Variants in UTP6 observed in about 807,000 individuals in gnomAD.
The protein encoded by UTP6 is U3 small nucleolar RNA-associated protein 6 homolog.
In UTP6, 60 loss-of-function variants were observed where a neutral mutation model predicts 96.5. The observed-to-expected ratio is 0.62, with a 90% confidence interval of 0.51 to 0.77. The LOEUF (loss-of-function observed/expected upper bound fraction) is 0.77, where lower values mean the gene tolerates loss of function less well. Among genes scored for constraint, UTP6 ranks in the 30% least tolerant of loss-of-function variants. The probability of loss-of-function intolerance (pLI) is 0.00; values close to 1 mark genes in which losing one functional copy is unlikely to be tolerated. For missense variants in UTP6, 637 were observed against 706.5 expected (o/e 0.90, Z 1.12); for synonymous variants, 215 against 240.1 (o/e 0.90, Z 0.96).
Position 31,865,424 on chromosome 17 carries a change from C to G in UTP6, c.1578G>C (p.Met526Ile). The G allele has an allele frequency of 6.2e-7, 1 of 1,613,950 alleles. No homozygotes were observed. Among genetic ancestry groups the G allele is most frequent in the African/African-American group, 1.3e-5 (1 of 75,050 alleles). ...QFEKEQESCN[M>I]ANIREYYERA... ...TCTCATAATATTCTCTTATGTTCGC[C>G]ATATTGCAGGATTCCTGACAAAGAT... Residue 526 changes from methionine to isoleucine, a missense_variant, in exon 18 of 19, where the codon ATG becomes ATC. Transcript: ENST00000261708.
At chr17:31,873,652 C>T (rs111300446) in intron 15 of UTP6, 21 bp downstream of exon 15, 3 of 1,613,960 alleles carry the variant, frequency 1.9e-6, no homozygotes, top group African/African-American at 1.3e-5. Flanking sequence ...CACCACAAGA[C>T]TTGGAACACG....
intron 10 of UTP6, among the ~76,000 whole-genome samples, chr17:31,882,958 T>C (rs1910930308): frequency 6.6e-6 from 1 of 152,040 alleles, no homozygotes; most frequent in East Asian, 1.9e-4. Flanking sequence ...ACTAATTTTA[T>C]TGTTATTTTT....
At chr17:31,865,105 G>A (rs771887524) in intron 18 of UTP6, among the ~76,000 whole-genome samples, 9 of 152,104 alleles carry the variant, frequency 5.9e-5, no homozygotes, top group Admixed American at 2.0e-4. Context: ...TGCAACCTCC[G>A]TCTCCCAGGC....
chr17:31,865,010 TTTTG>T (rs573091552), intron 18 of UTP6, among the ~76,000 whole-genome samples: 40 of 151,716 alleles, frequency 2.6e-4, no homozygotes, highest in African/African-American at 4.4e-4. Flanking sequence ...TAAGAAACAG[TTTTG>T]TTTGTTTGTT....
rs368584524 is a variant in UTP6, at chr17:31,898,474, G to A, written c.177+1172C>T. Among the ~76,000 whole-genome samples, 22 of 151,434 alleles carry A rather than the reference G, an allele frequency of 1.5e-4. No individual in the cohort carries two copies. In the East Asian group the frequency reaches 3.1e-3, roughly 22 times the overall value. ...CAGGAAGCGGAGGTTGCAGTGAGCC[G>A]AGATCGCACCACTGCACTCCAGCCT... On this transcript the variant is annotated intron_variant, in intron 2 of 18. Coordinates refer to ENST00000261708, the MANE Select transcript of UTP6 (RefSeq NM_018428.3).
Position 31,863,256 on chromosome 17 carries a change from C to A in UTP6, c.*103G>T. 9.2e-6 allele frequency: 11 copies of A among 1,202,186 alleles called. No individual in the cohort carries two copies. Among genetic ancestry groups the A allele is most frequent in the Non-Finnish European group, 1.3e-5 (11 of 849,546 alleles). The allele number at this position is 1,202,186 out of a possible 1,614,324, so 74.5% of individuals were successfully genotyped here. A position where few individuals can be genotyped will look rare whatever the true frequency, so the allele number is the denominator to read the frequency against. On this transcript the variant is annotated 3_prime_UTR_variant, in exon 19 of 19. Coordinates refer to ENST00000261708, the MANE Select transcript of UTP6 (RefSeq NM_018428.3). ...GTGTGTCTCAAAACCAGACAGCCATCTTGTCTGCCATCACTGAGCAAATTA... is the reference window on the plus strand; with the variant it reads ...GTGTGTCTCAAAACCAGACAGCCATATTGTCTGCCATCACTGAGCAAATTA...
At chr17:31,883,087 A>G (rs1419363118) in intron 10 of UTP6, among the ~76,000 whole-genome samples, 3 of 152,160 alleles carry the variant, frequency 2.0e-5, no homozygotes, top group Admixed American at 6.6e-5. Context: ...TAATCCTTGC[A>G]CTTTGGGAGG....
intron 1 of UTP6, 21 bp downstream of exon 1, chr17:31,901,515 C>A: frequency 6.2e-7 from 1 of 1,612,894 alleles, no homozygotes. Flanking sequence ...CAGCTCTTCC[C>A]TCTCCCCAAC....
chr17:31,896,034 T>C (rs1904619866), intron 2 of UTP6, among the ~76,000 whole-genome samples: 1 of 151,192 alleles, frequency 6.6e-6, no homozygotes, highest in African/African-American at 2.4e-5. Context: ...AAAAAAAAGT[T>C]TGCTCTTATA....
chr17:31,892,690 AGG>A, intron 5 of UTP6, 55 bp downstream of exon 5: 1 of 1,607,154 alleles, frequency 6.2e-7, no homozygotes, highest in Non-Finnish European at 8.5e-7. Context: ...TGAAGCTTAA[AGG>A]GCAGATTAAC....
intron 6 of UTP6, among the ~76,000 whole-genome samples, chr17:31,891,647 T>G (rs1486545066): frequency 1.3e-5 from 2 of 152,186 alleles, no homozygotes; most frequent in South Asian, 4.1e-4. Flanking sequence ...CCTTTAAGCT[T>G]CTAAAATTCC....
intron 17 of UTP6, chr17:31,866,717 T>TTAA (rs1909840709): frequency 9.2e-6 from 1 of 109,248 alleles, no homozygotes; most frequent in Non-Finnish European, 1.7e-5. Context: ...AGACTCCGTC[T>TTAA]AAAAAAAAAA....
In UTP6 at chr17:31,894,547, C is replaced by T. The variant is rs73280110; in HGVS notation, c.312+98G>A. 2.1e-3 allele frequency: 1,726 copies of T among 832,146 alleles called. 15 individuals carry two copies. In the African/African-American group the frequency reaches 0.027, roughly 13 times the overall value. 51.5% of individuals were successfully genotyped at this position (832,146 alleles called of 1,614,324 possible). ...ATCATTAGAGTAAGTATAAAGATACCCAAGATAAAAATAGAAAACTGCATT... is the reference window on the plus strand; with the variant it reads ...ATCATTAGAGTAAGTATAAAGATACTCAAGATAAAAATAGAAAACTGCATT... On this transcript the variant is annotated intron_variant, in intron 4 of 18. Transcript: ENST00000261708.
chr17:31,871,334 G>A (rs1417368363), intron 16 of UTP6, among the ~76,000 whole-genome samples: 2 of 151,906 alleles, frequency 1.3e-5, no homozygotes, highest in African/African-American at 2.4e-5. Flanking sequence ...TGTTGCCCAC[G>A]CTCGTCTCAA....
chr17:31,885,926 T>C (rs1000464406), intron 9 of UTP6, 54 bp downstream of exon 9: 2 of 1,513,112 alleles, frequency 1.3e-6, no homozygotes, highest in African/African-American at 1.4e-5. Flanking sequence ...AGATCTTCAT[T>C]AAGAAAAGAA....
intron 1 of UTP6, 28 bp from the exon 2 acceptor site, chr17:31,899,758 T>C (rs1904864307): frequency 2.7e-6 from 4 of 1,476,168 alleles, no homozygotes; most frequent in Non-Finnish European, 3.7e-6. Context: ...TAAACTTCAC[T>C]TGAAAACTGC....
Position 31,894,991 on chromosome 17 carries a change from C to T in UTP6, c.198G>A (p.Glu66=). The change falls in exon 3 of 19, where the codon GAG becomes GAA. Residue 66 remains glutamate, a synonymous_variant. Transcript: ENST00000261708. ...NYVQYEINLL[E]LIQRRRTRIG... ...TTACTGTTCTTCTTCTCTGGATCAG[C>T]TCCAAAAGATTAATTTCATACTATG... is the stretch of plus-strand genomic sequence containing the variant. 6.5e-7 allele frequency: 1 copy of T among 1,546,268 alleles called. No homozygotes were observed. The highest frequency in any genetic ancestry group is 8.8e-7 in the Non-Finnish European group (1 of 1,142,822).
chr17:31,896,809 G>A (rs1598121111), intron 2 of UTP6, among the ~76,000 whole-genome samples: 1 of 151,850 alleles, frequency 6.6e-6, no homozygotes, highest in Non-Finnish European at 1.5e-5. Flanking sequence ...GCTAATTTTT[G>A]TATTTTTTGT....
Position 31,901,635 on chromosome 17 carries a change from G to C in UTP6, c.-8C>G. ...CTGAATTATCTCTGCCATGAGGTCCGAGGTCTACAACCCCGCGGGTAGCTT... is the reference window on the plus strand; with the variant it reads ...CTGAATTATCTCTGCCATGAGGTCCCAGGTCTACAACCCCGCGGGTAGCTT... On this transcript the variant is annotated 5_prime_UTR_variant, in exon 1 of 19. Transcript: ENST00000261708. The C allele has an allele frequency of 2.5e-6, 4 of 1,613,232 alleles. No individual in the cohort carries two copies. In the African/African-American group the frequency reaches 5.3e-5, roughly 22 times the overall value.
Sources: gnomAD v4.1 joint callset for allele counts (sites outside exome capture counted in the v4.1 genomes callset) on GRCh38, gnomAD v4.1.1 for gene constraint, MANE v1.5 for transcripts, NCBI Gene and HGNC (gene_info 2026-07-23, HGNC 2026-07-21) for gene names.